CSNK1G2: variants seen among roughly 807,000 people sequenced by gnomAD.
CSNK1G2 encodes the protein casein kinase 1 gamma 2.
CSNK1G2 carries 11 observed loss-of-function variants against 48.0 expected under a neutral mutation model. The ratio of observed to expected loss-of-function variants is 0.23; its 90% confidence interval spans 0.14 to 0.38. The LOEUF (loss-of-function observed/expected upper bound fraction) is 0.38, where lower values mean the gene tolerates loss of function less well. Among genes scored for constraint, CSNK1G2 ranks in the 10% least tolerant of loss-of-function variants. The pLI, the probability that CSNK1G2 is intolerant of heterozygous loss-of-function variation, is 1.00. For missense variants in CSNK1G2, 446 were observed against 595.5 expected (o/e 0.75, Z 2.61); for synonymous variants, 337 against 254.1 (o/e 1.33, Z -3.10).
At chr19:1,953,528 C>T (rs767933784) in intron 1 of CSNK1G2, 1 of 528,028 alleles carries the variant, frequency 1.9e-6, no homozygotes, top group Non-Finnish European at 3.9e-6. Flanking sequence ...GAAAATTGCC[C>T]CTATGTGGAC....
rs1233191412 is a variant in CSNK1G2, at chr19:1,978,191, T to G, written c.188-114T>G. On this transcript the variant is annotated intron_variant, in intron 2 of 11. Coordinates refer to ENST00000255641, the MANE Select transcript of CSNK1G2 (RefSeq NM_001319.7). The surrounding 1 kb of genome is among the most constrained non-coding windows in gnomAD (Gnocchi z 7.3). ...CCCTGCTGCTGGGCAGTGGTGTCAT[T>G]TGGAGGGTGGTCCTTCAGGGACCCC... The G allele has an allele frequency of 1.5e-5, 16 of 1,047,852 alleles. No individual in the cohort carries two copies. The highest frequency in any genetic ancestry group is 3.2e-5 in the African/African-American group (2 of 63,190). The allele number at this position is 1,047,852 out of a possible 1,614,324, so 64.9% of individuals were successfully genotyped here. A position where few individuals can be genotyped will look rare whatever the true frequency, so the allele number is the denominator to read the frequency against.
Position 1,969,667 on chromosome 19 carries a change from C to T in CSNK1G2, c.-106C>T, listed in dbSNP as rs377045404. 176 of 1,031,018 alleles carry T rather than the reference C, an allele frequency of 1.7e-4. No homozygotes were observed. Among genetic ancestry groups the T allele is most frequent in the Non-Finnish European group, 2.1e-4 (163 of 793,076 alleles). 63.9% of individuals were successfully genotyped at this position (1,031,018 alleles called of 1,614,324 possible). On this transcript the variant is annotated 5_prime_UTR_variant, in exon 2 of 12. Coordinates refer to ENST00000255641, the MANE Select transcript of CSNK1G2 (RefSeq NM_001319.7). The stretch of plus-strand genomic sequence containing the variant: ...CACGGGCCCACGCCCGCCCACCGGC[C>T]GCAGTGATGTTCTAGCCACAGAGGA...
At chr19:1,972,767 C>T (rs1364398434) in intron 2 of CSNK1G2, among the ~76,000 whole-genome samples, 3 of 151,920 alleles carry the variant, frequency 2.0e-5, no homozygotes, top group Non-Finnish European at 4.4e-5. Flanking sequence ...GGATTACAGG[C>T]GTGAGCCACC....
At chr19:1,962,131 A>C (rs1159356483) in intron 1 of CSNK1G2, among the ~76,000 whole-genome samples, 1 of 152,006 alleles carries the variant, frequency 6.6e-6, no homozygotes, top group Non-Finnish European at 1.5e-5. Context: ...GGAGTTCAAG[A>C]CCATCCTGGC....
intron 8 of CSNK1G2, 44 bp downstream of exon 8, chr19:1,979,447 C>CCCCCCACCCCCCA (rs2015892460): frequency 2.8e-6 from 2 of 714,692 alleles, no homozygotes; most frequent in African/African-American, 1.9e-5. Context: ...CCACCCCCCA[C>CCCCCCACCCCCCA]CCCCCACCCC....
At chr19:1,966,432 G>A (rs1238127152) in intron 1 of CSNK1G2, among the ~76,000 whole-genome samples, 2 of 152,184 alleles carry the variant, frequency 1.3e-5, no homozygotes, top group Admixed American at 6.5e-5. Context: ...GCTGTCTCGC[G>A]AGAAAACTTT....
rs368002701 is a variant in CSNK1G2, at chr19:1,950,624, C to A, written c.-266+9206C>A. Among the ~76,000 whole-genome samples the A allele has an allele frequency of 1.7e-4, 25 of 146,212 alleles. 3 individuals carry two copies. The highest frequency in any genetic ancestry group is 6.5e-4 in the African/African-American group (25 of 38,242). ...AGGAGGGGGTGCACTTAGAAACAGCCAAGGCCTCCTTCCATGTTGGGACGG... is the reference window on the plus strand; with the variant it reads ...AGGAGGGGGTGCACTTAGAAACAGCAAAGGCCTCCTTCCATGTTGGGACGG... On this transcript the variant is annotated intron_variant, in intron 1 of 11. Coordinates refer to ENST00000255641, the MANE Select transcript of CSNK1G2 (RefSeq NM_001319.7).
At chr19:1,943,535 C>T (rs2014444037) in intron 1 of CSNK1G2, among the ~76,000 whole-genome samples, 1 of 152,042 alleles carries the variant, frequency 6.6e-6, no homozygotes, top group East Asian at 1.9e-4. Flanking sequence ...TCCTGTTGCT[C>T]ATCCCAAGCT....
At chr19:1,963,042 G>T (rs187525822) in intron 1 of CSNK1G2, among the ~76,000 whole-genome samples, 9 of 149,394 alleles carry the variant, frequency 6.0e-5, no homozygotes, top group African/African-American at 2.2e-4. Flanking sequence ...CCTTCAGGAC[G>T]CCAGGCTCAA....
Position 1,979,541 on chromosome 19 carries a change from C to G in CSNK1G2, c.900C>G (p.Phe300Leu). ...YLRYVRRLDF[F>L]EKPDYDYLRK... Reference sequence around the variant, plus strand: ...GCTATGTGCGGCGCCTGGACTTCTTCGAGAAGCCCGACTATGACTACCTGC... The same window carrying G: ...GCTATGTGCGGCGCCTGGACTTCTTGGAGAAGCCCGACTATGACTACCTGC... Residue 300 changes from phenylalanine to leucine, a missense_variant, in exon 9 of 12, where the codon TTC becomes TTG. Transcript: ENST00000255641. 1.9e-6 allele frequency: 3 copies of G among 1,607,994 alleles called. No individual in the cohort carries two copies. The highest frequency in any genetic ancestry group is 2.7e-5 in the African/African-American group (2 of 74,610).
rs549708108 is a variant in CSNK1G2, at chr19:1,972,606, T to C, written c.187+2647T>C. On this transcript the variant is annotated intron_variant, in intron 2 of 11. Coordinates refer to ENST00000255641, the MANE Select transcript of CSNK1G2 (RefSeq NM_001319.7). ...TTATTTCATGAAACGTTTTTCCATC[T>C]CAGCTTTGCTTTGCTTTGTTTTGTT... 2.0e-5 allele frequency among the ~76,000 whole-genome samples: 3 copies of C among 152,344 alleles called. No individual in the cohort carries two copies. The South Asian group carries it at 6.2e-4, about 32-fold the overall frequency.
intron 1 of CSNK1G2, among the ~76,000 whole-genome samples, chr19:1,967,672 G>GC (rs2015407881): frequency 7.6e-6 from 1 of 131,544 alleles, no homozygotes; most frequent in African/African-American, 3.2e-5. Flanking sequence ...TGCAGGTGGG[G>GC]CTCCTCCCTC....
Position 1,978,183 on chromosome 19 carries a change from GGT to G in CSNK1G2, c.188-119_188-118del, listed in dbSNP as rs2015825639. The G allele has an allele frequency of 1.0e-6, 1 of 961,540 alleles. No individual in the cohort carries two copies. Among genetic ancestry groups the G allele is most frequent in the South Asian group, 1.4e-5 (1 of 72,708 alleles). The allele number at this position is 961,540 out of a possible 1,614,324, so 59.6% of individuals were successfully genotyped here. ...GGCCCAGGCCCTGCTGCTGGGCAGT[GGT>G]GTCATTTGGAGGGTGGTCCTTCAGG... is the stretch of plus-strand genomic sequence containing the variant. On this transcript the variant is annotated intron_variant, in intron 2 of 11. Coordinates refer to ENST00000255641, the MANE Select transcript of CSNK1G2 (RefSeq NM_001319.7). This position sits in a 1 kb window ranked among gnomAD's most constrained non-coding sequence, Gnocchi z 7.3.
rs762057782 is a variant in CSNK1G2, at chr19:1,980,236, C to T, written c.*33C>T. ...CGCGTGCAGCCCCCTGAATCTTCTCCGTGCAGCCCCTTGGGGCGCGACCTT... is the reference window on the plus strand; with the variant it reads ...CGCGTGCAGCCCCCTGAATCTTCTCTGTGCAGCCCCTTGGGGCGCGACCTT... On this transcript the variant is annotated 3_prime_UTR_variant, in exon 12 of 12. Coordinates refer to ENST00000255641, the MANE Select transcript of CSNK1G2 (RefSeq NM_001319.7). 8.7e-6 allele frequency: 14 copies of T among 1,611,796 alleles called. No individual in the cohort carries two copies. Among genetic ancestry groups the T allele is most frequent in the Admixed American group, 8.3e-5 (5 of 59,936 alleles).
chr19:1,958,216 C>G (rs969897873), intron 1 of CSNK1G2, among the ~76,000 whole-genome samples: 2 of 151,844 alleles, frequency 1.3e-5, no homozygotes, highest in African/African-American at 4.8e-5. Context: ...GCCTGTGCCC[C>G]TGATGTCTGT....
At chr19:1,973,743 C>T (rs1218346935) in intron 2 of CSNK1G2, among the ~76,000 whole-genome samples, 1 of 152,192 alleles carries the variant, frequency 6.6e-6, no homozygotes, top group East Asian at 1.9e-4. Context: ...GTCTGATTGT[C>T]CATTCGCTCT....
At chr19:1,970,310 G>C (rs578226402) in intron 2 of CSNK1G2, among the ~76,000 whole-genome samples, 1 of 152,386 alleles carries the variant, frequency 6.6e-6, no homozygotes, top group Non-Finnish European at 1.5e-5. Flanking sequence ...CGGCTTTAAC[G>C]GCAGGTGCCT....
intron 2 of CSNK1G2, among the ~76,000 whole-genome samples, chr19:1,977,306 G>A (rs946207971): frequency 5.3e-5 from 8 of 152,198 alleles, no homozygotes; most frequent in African/African-American, 1.7e-4. Flanking sequence ...TGCAGGGACC[G>A]GCCTGTTCAC....
intron 2 of CSNK1G2, chr19:1,975,731 T>C: frequency 4.1e-6 from 4 of 984,716 alleles, no homozygotes; most frequent in Non-Finnish European, 4.8e-6. Context: ...GGCAGTGTCC[T>C]GAGCTCTAAA....
Sources: allele counts gnomAD v4.1 joint callset (sites outside exome capture counted in the v4.1 genomes callset), GRCh38; gene constraint gnomAD v4.1.1; non-coding constraint Gnocchi (gnomAD v3.1); transcripts MANE v1.5; gene names NCBI Gene and HGNC (gene_info 2026-07-23, HGNC 2026-07-21).